The following ATP2C1 variants were observed in gnomAD, a reference collection of about 807,000 sequenced individuals.
ATP2C1 encodes calcium-transporting ATPase type 2C member 1.
A neutral mutation model predicts 120.5 loss-of-function variants in ATP2C1; 31 were observed. The observed-to-expected ratio is 0.26, with a 90% confidence interval of 0.19 to 0.35. The LOEUF is 0.35. Among genes scored for constraint, ATP2C1 ranks in the 10% least tolerant of loss-of-function variants. The probability of loss-of-function intolerance (pLI) is 1.00; values close to 1 mark genes in which losing one functional copy is unlikely to be tolerated. For synonymous variants in ATP2C1, 351 were observed against 358.7 expected (o/e 0.98, Z 0.24); for missense variants, 731 against 1,107.5 (o/e 0.66, Z 4.83).
At position 131,002,063 on chromosome 3, in the gene ATP2C1, G is replaced by C. The variant is rs1293564499; in HGVS notation, c.*713G>C. On this transcript the variant is annotated 3_prime_UTR_variant, in exon 28 of 28. Transcript: ENST00000510168. The stretch of plus-strand genomic sequence containing the variant: ...CTTTGGTTTGGCAGAATTCATGCAG[G>C]GCTATCAAGTGGTGTTCTAGGGTAA... 2 of 985,364 alleles carry C rather than the reference G, an allele frequency of 2.0e-6. No homozygotes were observed. The highest frequency in any genetic ancestry group is 1.2e-6 in the Non-Finnish European group (1 of 829,878). 61.0% of individuals were successfully genotyped at this position (985,364 alleles called of 1,614,324 possible). A position where few individuals can be genotyped will look rare whatever the true frequency, so the allele number is the denominator to read the frequency against.
intron 6 of ATP2C1, among the ~76,000 whole-genome samples, chr3:130,939,927 C>A (rs1350822223): frequency 6.6e-6 from 1 of 152,184 alleles, no homozygotes; most frequent in Non-Finnish European, 1.5e-5. Flanking sequence ...TTGCTTACTA[C>A]AGACATGAGG....
At chr3:130,969,543 A>T in intron 17 of ATP2C1, 147 bp downstream of exon 17, 1 of 686,750 alleles carries the variant, frequency 1.5e-6, no homozygotes, top group Admixed American at 2.1e-5. Flanking sequence ...CTCATCTCTT[A>T]ATTGTTTGTG....
chr3:130,964,901 A>G lies in ATP2C1; in HGVS notation c.1025-47A>G, dbSNP rs115219328. 8,192 of 1,412,314 alleles carry G rather than the reference A, an allele frequency of 5.8e-3. 358 individuals carry two copies. In the African/African-American group the frequency reaches 0.097, roughly 17 times the overall value. 87.5% of individuals were successfully genotyped at this position (1,412,314 alleles called of 1,614,324 possible). Reference sequence around the variant, plus strand: ...TGATTTGTTTTTTAAGTGAACCTATATTTCTCCTTGATTCTTTTGGTGACT... The same window carrying G: ...TGATTTGTTTTTTAAGTGAACCTATGTTTCTCCTTGATTCTTTTGGTGACT... On this transcript the variant is annotated intron_variant, in intron 13 of 27. Coordinates refer to ENST00000510168, the MANE Select transcript of ATP2C1 (RefSeq NM_001378687.1).
chr3:130,972,999 G>A (rs1365336391), intron 17 of ATP2C1, among the ~76,000 whole-genome samples: 1 of 152,032 alleles, frequency 6.6e-6, no homozygotes, highest in Non-Finnish European at 1.5e-5. Context: ...TCAATAAAAT[G>A]TTTATTAAAT....
exon 1 of ATP2C1, chr3:130,850,865 A>G: frequency 2.1e-6 from 3 of 1,448,766 alleles, no homozygotes; most frequent in Non-Finnish European, 2.7e-6. Context: ...ATTTCAAAAA[A>G]TATCCTCTCC....
At chr3:130,875,563 A>C (rs144647214) in intron 1 of ATP2C1, among the ~76,000 whole-genome samples, 4 of 152,310 alleles carry the variant, frequency 2.6e-5, no homozygotes, top group African/African-American at 7.2e-5. Flanking sequence ...TATCTTGGCT[A>C]TTGTGGATAA....
At chr3:130,915,432 T>G (rs1238034860) in intron 2 of ATP2C1, among the ~76,000 whole-genome samples, 1 of 152,162 alleles carries the variant, frequency 6.6e-6, no homozygotes, top group African/African-American at 2.4e-5. Context: ...AGTTTTTGTT[T>G]AGGGATATAG....
rs1219397674 is a variant in ATP2C1 at position 130,894,801 on chromosome 3, C to A, written c.6+26C>A. On this transcript the variant is annotated intron_variant, in intron 2 of 27. Coordinates refer to ENST00000510168, the MANE Select transcript of ATP2C1 (RefSeq NM_001378687.1). This position sits in a 1 kb window ranked among gnomAD's most constrained non-coding sequence, Gnocchi z 4.5. Reference sequence around the variant, plus strand: ...GTAAAGGCCCCTGGCCGACCGGTTGCAACGCGGAGTTGAGGGTGTGGTGGT... The same window carrying A: ...GTAAAGGCCCCTGGCCGACCGGTTGAAACGCGGAGTTGAGGGTGTGGTGGT... 6.2e-7 allele frequency: 1 copy of A among 1,605,596 alleles called. No homozygotes were observed. The highest frequency in any genetic ancestry group is 1.3e-5 in the African/African-American group (1 of 74,874).
chr3:130,996,008 AT>A (rs1560029444), intron 22 of ATP2C1, 34 bp from the exon 23 acceptor site: 7 of 1,297,820 alleles, frequency 5.4e-6, no homozygotes, highest in Non-Finnish European at 7.8e-6. Context: ...GTATGATAAT[AT>A]TTTCTCACTT....
chr3:130,861,362 G>C (rs2068006989), intron 1 of ATP2C1, among the ~76,000 whole-genome samples: 1 of 152,178 alleles, frequency 6.6e-6, no homozygotes, highest in Non-Finnish European at 1.5e-5. Context: ...ATAATCTGCT[G>C]TCTATAAGCT....
exon 27 of ATP2C1, chr3:131,016,254 T>A: frequency 6.2e-7 from 1 of 1,614,152 alleles, no homozygotes. Flanking sequence ...CTAAGTCCAG[T>A]CTTGTGCCCA....
chr3:130,953,956 G>A lies in ATP2C1; in HGVS notation c.667G>A (p.Val223Ile). Residue 223 changes from valine to isoleucine, a missense_variant, in exon 9 of 28, where the codon GTC (valine) becomes ATC (isoleucine). Around this residue, in one of 3 missense-constraint regions of ATP2C1, gnomAD observed 571 missense variants for 845.9 expected, o/e 0.67. Coordinates refer to ENST00000510168, the MANE Select transcript of ATP2C1 (RefSeq NM_001378687.1). ...RSNIAFMGTLVRCGKAKGVVI... is the reference protein window; with the variant it reads ...RSNIAFMGTLIRCGKAKGVVI... ...TAACATTGCCTTTATGGGAACACTG[G>A]TCAGATGTGGCAAAGCAAAGGTAAA... is the stretch of plus-strand genomic sequence containing the variant. 6.2e-7 allele frequency: 1 copy of A among 1,614,020 alleles called. No homozygotes were observed. Among genetic ancestry groups the A allele is most frequent in the Non-Finnish European group, 8.5e-7 (1 of 1,179,954 alleles).
intron 20 of ATP2C1, among the ~76,000 whole-genome samples, chr3:130,989,132 T>G (rs1323914707): frequency 6.6e-6 from 1 of 150,946 alleles, no homozygotes; most frequent in African/African-American, 2.4e-5. Flanking sequence ...GCACCTGTAA[T>G]CCCAGCTACT....
chr3:130,894,113 G>T lies in ATP2C1; in HGVS notation c.-405G>T. 1 of 972,732 alleles carries T rather than the reference G, an allele frequency of 1.0e-6. No individual in the cohort carries two copies. The highest frequency in any genetic ancestry group is 1.2e-6 in the Non-Finnish European group (1 of 818,442). 60.3% of individuals were successfully genotyped at this position (972,732 alleles called of 1,614,324 possible). Reference sequence around the variant, plus strand: ...CAGCACGGCCTCGCGGAGCCGGCCCGGCGGACCGTGACGGGTCCCCTCACC... The same window carrying T: ...CAGCACGGCCTCGCGGAGCCGGCCCTGCGGACCGTGACGGGTCCCCTCACC... On this transcript the variant is annotated 5_prime_UTR_variant, in exon 1 of 28. Transcript: ENST00000510168. The surrounding 1 kb of genome is among the most constrained non-coding windows in gnomAD (Gnocchi z 4.5).
downstream of ATP2C1, among the ~76,000 whole-genome samples, chr3:131,004,322 AT>A (rs2063018338): frequency 6.6e-6 from 1 of 152,206 alleles, no homozygotes; most frequent in African/African-American, 2.4e-5. Context: ...CTAGTACGTG[AT>A]TGGACAGACA....
chr3:130,850,712 T>G, exon 1 of ATP2C1: 1 of 513,238 alleles, frequency 1.9e-6, no homozygotes, highest in Non-Finnish European at 3.4e-6. Flanking sequence ...AGGAGGGAAG[T>G]TGTCGAGCTA....
chr3:130,945,281 T>G (rs2060096634), intron 8 of ATP2C1, among the ~76,000 whole-genome samples: 1 of 152,214 alleles, frequency 6.6e-6, no homozygotes, highest in African/African-American at 2.4e-5. Context: ...AATGGATTGG[T>G]CGGACAATGA....
chr3:130,964,121 A>C, intron 13 of ATP2C1, 26 bp downstream of exon 13: 1 of 1,611,220 alleles, frequency 6.2e-7, no homozygotes, highest in South Asian at 1.1e-5. Context: ...GAGCATTCTT[A>C]TGCAATGATG....
At chr3:131,014,486 A>T (rs1413231660) in intron 26 of ATP2C1, 7 of 1,161,602 alleles carry the variant, frequency 6.0e-6, no homozygotes, top group African/African-American at 1.6e-5. Flanking sequence ...CTAAACAATG[A>T]GAGCTCTTAT....
Sources: gnomAD v4.1 joint callset for allele counts (sites outside exome capture counted in the v4.1 genomes callset) on GRCh38, gnomAD v4.1.1 for gene constraint, gnomAD v4.1.1 regional missense constraint, Gnocchi (gnomAD v3.1) non-coding constraint, MANE v1.5 for transcripts, NCBI Gene and HGNC (gene_info 2026-07-23, HGNC 2026-07-21) for gene names.